Variants in BRDT observed in about 807,000 individuals in gnomAD.
The protein encoded by BRDT is bromodomain testis associated.
A neutral mutation model predicts 113.9 loss-of-function variants in BRDT; 77 were observed. The ratio of observed to expected loss-of-function variants is 0.68; its 90% CI spans 0.56 to 0.82. The LOEUF is 0.82. Among genes scored for constraint, BRDT ranks in the 40% least tolerant of loss-of-function variants. BRDT has a pLI of 0.00. For missense variants in BRDT, 1,027 were observed against 1,105.4 expected, an observed-to-expected ratio of 0.93 and a Z score of 1.01; for synonymous variants, 358 against 366.5, an observed-to-expected ratio of 0.98 and a Z score of 0.26.
intron 1 of BRDT, among the ~76,000 whole-genome samples, chr1:91,959,874 TGTA>T (rs1682239557): frequency 6.6e-6 from 1 of 152,186 alleles, no homozygotes; most frequent in Admixed American, 6.6e-5. Flanking sequence ...TTCATTTTAA[TGTA>T]GTAGTACTCA....
rs528264931 is a variant in BRDT at position 92,006,717 on chromosome 1, T to C, written c.2775+1418T>C. 3.4e-3 allele frequency among the ~76,000 whole-genome samples: 513 copies of C among 152,288 alleles called. 2 individuals carry two copies. The highest frequency in any genetic ancestry group is 0.012 in the African/African-American group (494 of 41,562). The stretch of plus-strand genomic sequence containing the variant: ...TCCTGACCTTAGGCAATCGCCTGCC[T>C]CGGCCTCCCAAAGTGCTGGGATTAC... On this transcript the variant is annotated intron_variant, in intron 18 of 18. Transcript: ENST00000399546.
intron 17 of BRDT, 37 bp from the exon 18 acceptor site, chr1:92,005,082 T>C (rs753841308): frequency 1.1e-5 from 16 of 1,402,728 alleles, no homozygotes; most frequent in Non-Finnish European, 1.4e-5. Flanking sequence ...TTTAAGGAAC[T>C]TGAAACCTAC....
Position 91,980,791 on chromosome 1 carries a change from G to T in BRDT, c.1436G>T (p.Arg479Met). Residue 479 changes from arginine to methionine, a missense_variant, in exon 9 of 19, where the codon AGG becomes ATG. Arg to Met is a moderately conservative substitution (Grantham distance 91, BLOSUM62 -1). Transcript: ENST00000399546. ...ENPRKMCEQM[R>M]LKEKSKRNQP... Reference sequence around the variant, plus strand: ...CCAAGAAAAATGTGTGAGCAAATGAGGCTAAAGGAAAAGTCCAAGAGAAAG... The same window carrying T: ...CCAAGAAAAATGTGTGAGCAAATGATGCTAAAGGAAAAGTCCAAGAGAAAG... The T allele has an allele frequency of 1.3e-6, 2 of 1,598,720 alleles. No individual in the cohort carries two copies. Among genetic ancestry groups the T allele is most frequent in the Non-Finnish European group, 1.7e-6 (2 of 1,176,718 alleles).
chr1:91,974,879 A>T (rs1211216294), intron 4 of BRDT, among the ~76,000 whole-genome samples: 2 of 152,210 alleles, frequency 1.3e-5, no homozygotes, highest in Non-Finnish European at 2.9e-5. Flanking sequence ...CTTGGAACCA[A>T]CCCAAATGTC....
chr1:91,963,338 T>G (rs886526795), intron 2 of BRDT, among the ~76,000 whole-genome samples: 2 of 152,108 alleles, frequency 1.3e-5, no homozygotes, highest in African/African-American at 4.8e-5. Context: ...TAAAAAAAAT[T>G]TAACAACTGA....
intron 12 of BRDT, among the ~76,000 whole-genome samples, chr1:91,986,732 A>G (rs1015310880): frequency 6.6e-6 from 1 of 152,208 alleles, no homozygotes; most frequent in East Asian, 1.9e-4. Context: ...TAGGTCTTCT[A>G]TAGACATGAC....
At position 91,978,176 on chromosome 1, in the gene BRDT, G is replaced by A. The variant is rs747014128; in HGVS notation, c.978G>A (p.Met326Ile). ...PMDLGTIKEK[M>I]DNQEYKDAYK... ...GTTTTTCTTTAATTTAGGAGAAAAT[G>A]GATAACCAAGAATATAAGGATGCAT... Residue 326 changes from methionine to isoleucine, a missense_variant, in exon 7 of 19, where the codon ATG becomes ATA. Coordinates refer to ENST00000399546, the MANE Select transcript of BRDT (RefSeq NM_207189.4). 43 of 1,611,452 alleles carry A rather than the reference G, an allele frequency of 2.7e-5. No individual in the cohort carries two copies. The highest frequency in any genetic ancestry group is 3.2e-5 in the Non-Finnish European group (38 of 1,178,466).
intron 16 of BRDT, 40 bp from the exon 17 acceptor site, chr1:92,004,374 A>G (rs1687105072): frequency 1.4e-6 from 2 of 1,462,582 alleles, no homozygotes; most frequent in Middle Eastern, 1.8e-4. Flanking sequence ...AAATTTGGTT[A>G]ACATCTGTAG....
chr1:91,991,774 T>C (rs10875116), intron 13 of BRDT, among the ~76,000 whole-genome samples: 118,556 of 151,608 alleles, frequency 0.78, 47,185 homozygotes, highest in Non-Finnish European at 0.86. Context: ...GGGCAGATCA[T>C]GAAGTCAGGA....
intron 1 of BRDT, 129 bp downstream of exon 1, chr1:91,949,811 G>A (rs2101436418): frequency 6.6e-6 from 1 of 152,394 alleles, no homozygotes; most frequent in East Asian, 1.9e-4. Context: ...TGGGAAGGAG[G>A]AGGTTGGGGC....
At chr1:91,983,900 T>C (rs1684958355) in intron 12 of BRDT, among the ~76,000 whole-genome samples, 1 of 152,146 alleles carries the variant, frequency 6.6e-6, no homozygotes, top group African/African-American at 2.4e-5. Flanking sequence ...CAGGCTGGTC[T>C]TGAACTCCTG....
chr1:91,969,991 G>A (rs1683471490), intron 4 of BRDT, among the ~76,000 whole-genome samples: 1 of 151,946 alleles, frequency 6.6e-6, no homozygotes, highest in Non-Finnish European at 1.5e-5. Context: ...ACCATGCCCA[G>A]CTAATTTTTG....
At chr1:91,957,915 T>C (rs1027283230) in intron 1 of BRDT, among the ~76,000 whole-genome samples, 1 of 152,112 alleles carries the variant, frequency 6.6e-6, no homozygotes, top group Non-Finnish European at 1.5e-5. Context: ...CCATCTTGGC[T>C]CACAACCTTC....
At chr1:91,953,826 TC>T (rs2101485673) in intron 1 of BRDT, among the ~76,000 whole-genome samples, 1 of 152,354 alleles carries the variant, frequency 6.6e-6, no homozygotes, top group African/African-American at 2.4e-5. Context: ...ACTGAACTTT[TC>T]ATTATCATTT....
chr1:91,989,231 T>C (rs1400677062), intron 12 of BRDT, among the ~76,000 whole-genome samples: 1 of 152,176 alleles, frequency 6.6e-6, no homozygotes, highest in African/African-American at 2.4e-5. Context: ...GTTTATATTG[T>C]AGGATAATGT....
chr1:92,012,923 AAG>A (rs1254047089), intron 18 of BRDT, among the ~76,000 whole-genome samples: 1 of 149,466 alleles, frequency 6.7e-6, no homozygotes, highest in African/African-American at 2.5e-5. Flanking sequence ...AAAAAAAAAA[AAG>A]AATGTAGTTC....
chr1:91,963,135 C>A (rs1451535348), intron 2 of BRDT, among the ~76,000 whole-genome samples, 189 bp downstream of exon 2: 1 of 152,110 alleles, frequency 6.6e-6, no homozygotes, highest in Non-Finnish European at 1.5e-5. Flanking sequence ...ACCAGCCTGA[C>A]CAACATGGAG....
intron 14 of BRDT, among the ~76,000 whole-genome samples, chr1:91,993,068 C>A (rs1685950591): frequency 6.6e-6 from 1 of 152,076 alleles, no homozygotes; most frequent in South Asian, 2.1e-4. Flanking sequence ...ATATATTAAT[C>A]CATAGGTTCA....
chr1:91,952,423 G>A (rs1158858367), intron 1 of BRDT, among the ~76,000 whole-genome samples: 1 of 152,112 alleles, frequency 6.6e-6, no homozygotes. Flanking sequence ...CAGGTGCACT[G>A]GCCAGAAAGG....
Sources: gnomAD v4.1 joint callset for allele counts (sites outside exome capture counted in the v4.1 genomes callset) on GRCh38, gnomAD v4.1.1 for gene constraint, MANE v1.5 for transcripts, NCBI Gene and HGNC (gene_info 2026-07-23, HGNC 2026-07-21) for gene names.